NUS1: variants seen among roughly 807,000 people sequenced by gnomAD.
The protein encoded by NUS1 is NUS1 dehydrodolichyl diphosphate synthase subunit.
For missense variants in NUS1, 292 were observed against 382.9 expected (o/e 0.76, Z 1.98); for synonymous variants, 135 against 155.2 (o/e 0.87, Z 0.97).
chr6:117,698,860 T>C (rs1773358368), intron 3 of NUS1, among the ~76,000 whole-genome samples: 1 of 152,116 alleles, frequency 6.6e-6, no homozygotes, highest in Non-Finnish European at 1.5e-5. Flanking sequence ...TGGTTGAACA[T>C]ACACAAATCA....
rs1355802886 is a variant in NUS1, at chr6:117,675,911, G to A, written c.241G>A (p.Ala81Thr). Reference sequence around the variant, plus strand: ...GCGCGGGGGGTCGTGCCTGGCAGCCGCACACCACCGGATGCGCTGGCGCGC... The same window carrying A: ...GCGCGGGGGGTCGTGCCTGGCAGCCACACACCACCGGATGCGCTGGCGCGC... ...HPRGGSCLAAAHHRMRWRADG... is the reference protein window; with the variant it reads ...HPRGGSCLAATHHRMRWRADG... Residue 81 changes from alanine (A) to threonine (T), a missense_variant, in exon 1 of 5, where the codon GCA (alanine) becomes ACA (threonine). By Grantham distance (58) the Ala-to-Thr change is moderately conservative. Coordinates refer to ENST00000368494, the MANE Select transcript of NUS1 (RefSeq NM_138459.5). 3.9e-6 allele frequency: 6 copies of A among 1,541,616 alleles called. No homozygotes were observed. Among genetic ancestry groups the A allele is most frequent in the African/African-American group, 1.4e-5 (1 of 72,760 alleles).
intron 1 of NUS1, among the ~76,000 whole-genome samples, chr6:117,676,523 A>G (rs1772984379): frequency 6.6e-6 from 1 of 152,222 alleles, no homozygotes; most frequent in Non-Finnish European, 1.5e-5. Flanking sequence ...GGTTGTGGTG[A>G]GCCGAGATCG....
chr6:117,699,746 C>G (rs899963735), intron 3 of NUS1, among the ~76,000 whole-genome samples: 4 of 152,096 alleles, frequency 2.6e-5, no homozygotes, highest in African/African-American at 9.7e-5. Flanking sequence ...TACCTGACTT[C>G]CAGTTATACT....
At chr6:117,692,118 T>G (rs1290502340) in intron 1 of NUS1, among the ~76,000 whole-genome samples, 2 of 152,024 alleles carry the variant, frequency 1.3e-5, no homozygotes, top group Non-Finnish European at 2.9e-5. Context: ...GACAAGAAAG[T>G]TGGAAATTCT....
rs934786214 is a variant in NUS1, at chr6:117,675,489, G to A, written c.-182G>A. The A allele has an allele frequency of 3.4e-5, 21 of 623,466 alleles. No homozygotes were observed. In the Admixed American group the frequency reaches 4.0e-4, roughly 12 times the overall value. The allele number at this position is 623,466 out of a possible 1,614,324, so 38.6% of individuals were successfully genotyped here. A position where few individuals can be genotyped will look rare whatever the true frequency, so the allele number is the denominator to read the frequency against. On this transcript the variant is annotated 5_prime_UTR_variant, in exon 1 of 5. Transcript: ENST00000368494. ...TCCATGTACTACTGGGGGCGGGGCT[G>A]CCAAGGGAGGAGGAAGATGGCGGCG...
rs773765907 is a variant in NUS1 at position 117,693,151 on chromosome 6, T to C, written c.525T>C (p.Asn175=). ...ACTCACCAGAATTTGCAAATAGTAATGACAAAGATGATCAAGGTAAGCATG... is the reference window on the plus strand; with the variant it reads ...ACTCACCAGAATTTGCAAATAGTAACGACAAAGATGATCAAGGTAAGCATG... ...SKYSPEFANS[N]DKDDQVLNCH... The change falls in exon 2 of 5, where the codon AAT becomes AAC. Residue 175 remains asparagine (N), a synonymous_variant. Transcript: ENST00000368494. 2.5e-6 allele frequency: 4 copies of C among 1,612,692 alleles called. No individual in the cohort carries two copies. The highest frequency in any genetic ancestry group is 3.4e-6 in the Non-Finnish European group (4 of 1,179,086).
intron 1 of NUS1, among the ~76,000 whole-genome samples, chr6:117,684,505 C>A (rs557902512): frequency 8.7e-4 from 132 of 152,262 alleles, no homozygotes; most frequent in African/African-American, 2.9e-3. Flanking sequence ...TTTTTCTATC[C>A]TGGTCCCTGT....
chr6:117,689,616 T>G (rs539467103), intron 1 of NUS1, among the ~76,000 whole-genome samples: 1 of 152,212 alleles, frequency 6.6e-6, no homozygotes, highest in East Asian at 1.9e-4. Flanking sequence ...AAGTGGAGTG[T>G]AGTGGCATGA....
At chr6:117,682,944 G>T (rs766862136) in intron 1 of NUS1, among the ~76,000 whole-genome samples, 22 of 152,260 alleles carry the variant, frequency 1.4e-4, no homozygotes, top group Non-Finnish European at 2.6e-4. Flanking sequence ...ATTTGTAAAA[G>T]ATATTTAAAG....
At chr6:117,687,343 T>C (rs1476083121) in intron 1 of NUS1, among the ~76,000 whole-genome samples, 2 of 152,214 alleles carry the variant, frequency 1.3e-5, no homozygotes, top group Non-Finnish European at 2.9e-5. Context: ...AACTGCTATA[T>C]GGAAAATATG....
At chr6:117,684,132 C>A (rs957294137) in intron 1 of NUS1, among the ~76,000 whole-genome samples, 5 of 152,186 alleles carry the variant, frequency 3.3e-5, no homozygotes, top group Non-Finnish European at 7.3e-5. Flanking sequence ...TTTGTTGCAA[C>A]TACTCAACTC....
chr6:117,683,738 C>T (rs950152724), intron 1 of NUS1, among the ~76,000 whole-genome samples: 3 of 152,016 alleles, frequency 2.0e-5, no homozygotes, highest in Non-Finnish European at 2.9e-5. Context: ...GTAAAAATTC[C>T]AGTTTCAGAT....
At chr6:117,705,045 A>G (rs1418584835) in intron 4 of NUS1, among the ~76,000 whole-genome samples, 2 of 152,150 alleles carry the variant, frequency 1.3e-5, no homozygotes, top group African/African-American at 4.8e-5. Context: ...GCTTGTGGGC[A>G]GGAGGGACAA....
At chr6:117,701,043 G>C (rs1773400268) in intron 3 of NUS1, among the ~76,000 whole-genome samples, 2 of 148,380 alleles carry the variant, frequency 1.3e-5, no homozygotes, top group African/African-American at 4.9e-5. Context: ...TTTTTTCAAA[G>C]TTGTTGTGTC....
In NUS1 at chr6:117,675,469, G is replaced by A. The variant is rs1378172358; in HGVS notation, c.-202G>A. The A allele has an allele frequency of 8.3e-6, 5 of 602,138 alleles. No homozygotes were observed. The highest frequency in any genetic ancestry group is 1.9e-5 in the African/African-American group (1 of 52,242). The allele number at this position is 602,138 out of a possible 1,614,324, so 37.3% of individuals were successfully genotyped here. A position where few individuals can be genotyped will look rare whatever the true frequency, so the allele number is the denominator to read the frequency against. On this transcript the variant is annotated 5_prime_UTR_variant, in exon 1 of 5. Coordinates refer to ENST00000368494, the MANE Select transcript of NUS1 (RefSeq NM_138459.5). ...ACGCTGGCCAATCGGAACTGTCCAT[G>A]TACTACTGGGGGCGGGGCTGCCAAG...
intron 1 of NUS1, among the ~76,000 whole-genome samples, chr6:117,681,532 C>T (rs1394601799): frequency 1.3e-5 from 2 of 152,116 alleles, no homozygotes; most frequent in South Asian, 4.1e-4. Flanking sequence ...ACTTAGTTGG[C>T]ACAGTGACAC....
chr6:117,695,903 G>A (rs1470298407), intron 3 of NUS1, among the ~76,000 whole-genome samples: 1 of 151,806 alleles, frequency 6.6e-6, no homozygotes, highest in Non-Finnish European at 1.5e-5. Flanking sequence ...TTTTTTATTG[G>A]TGAGTAGTAT....
chr6:117,693,304 A>G (rs1413459273), intron 2 of NUS1, 137 bp downstream of exon 2: 2 of 995,482 alleles, frequency 2.0e-6, no homozygotes, highest in Non-Finnish European at 3.0e-6. Context: ...TAATCATCAG[A>G]TTTAGACTTT....
chr6:117,704,052 A>C (rs1157799087), intron 4 of NUS1, among the ~76,000 whole-genome samples: 1 of 152,182 alleles, frequency 6.6e-6, no homozygotes, highest in Non-Finnish European at 1.5e-5. Context: ...GTGTGTTTTA[A>C]AGAAATAAGG....
Sources: allele counts gnomAD v4.1 joint callset (sites outside exome capture counted in the v4.1 genomes callset), GRCh38; gene constraint gnomAD v4.1.1; transcripts MANE v1.5; gene names NCBI Gene and HGNC (gene_info 2026-07-23, HGNC 2026-07-21).